ZNF804B: variants seen among roughly 807,000 people sequenced by gnomAD.
ZNF804B encodes zinc finger protein 804B, also known as zinc finger 804B.
Under a neutral mutation model 101.4 loss-of-function variants are expected in ZNF804B, and 80 were observed. The observed-to-expected ratio is 0.79, with a 90% CI of 0.66 to 0.95. The LOEUF (loss-of-function observed/expected upper bound fraction) is 0.95. ZNF804B is among the 40% of genes least tolerant of loss of function. The pLI, the probability that ZNF804B is intolerant of heterozygous loss-of-function variation, is 0.00. For missense variants in ZNF804B, 1,673 were observed against 1,561.9 expected, an observed-to-expected ratio of 1.07 and a Z score of -1.20; for synonymous variants, 622 against 558.8, an observed-to-expected ratio of 1.11 and a Z score of -1.59.
intron 2 of ZNF804B, among the ~76,000 whole-genome samples, chr7:89,296,614 G>A (rs551058498): frequency 3.3e-5 from 5 of 152,036 alleles, no homozygotes; most frequent in Non-Finnish European, 7.4e-5. Context: ...GGAGATCTCA[G>A]CGTCCTAAAC....
intron 1 of ZNF804B, among the ~76,000 whole-genome samples, chr7:89,055,449 G>A (rs13238650): frequency 0.77 from 117,565 of 151,944 alleles, 45,563 homozygotes; most frequent in African/African-American, 0.79. Flanking sequence ...AATGAGCACC[G>A]GGATTGGGGT....
intron 2 of ZNF804B, among the ~76,000 whole-genome samples, chr7:89,260,292 G>T (rs1789691658): frequency 6.6e-6 from 1 of 151,806 alleles, no homozygotes; most frequent in South Asian, 2.1e-4. Context: ...ATCCCTTCTT[G>T]TCTTAAATAC....
At chr7:89,104,465 T>G (rs1405768368) in intron 1 of ZNF804B, among the ~76,000 whole-genome samples, 2 of 152,052 alleles carry the variant, frequency 1.3e-5, no homozygotes, top group African/African-American at 4.8e-5. Context: ...TGGTTCAATT[T>G]TGGGAGTTTG....
At chr7:89,323,448 T>C (rs1467807944) in intron 2 of ZNF804B, among the ~76,000 whole-genome samples, 3 of 152,186 alleles carry the variant, frequency 2.0e-5, no homozygotes, top group African/African-American at 7.2e-5. Context: ...ATTTATCCTA[T>C]GAATGTGAAG....
chr7:88,893,500 C>T (rs1792242815), intron 1 of ZNF804B, among the ~76,000 whole-genome samples: 1 of 151,942 alleles, frequency 6.6e-6, no homozygotes. Flanking sequence ...TATATATAAA[C>T]TATAGCATTA....
At chr7:89,138,930 G>A (rs1242408572) in intron 1 of ZNF804B, among the ~76,000 whole-genome samples, 6 of 152,054 alleles carry the variant, frequency 3.9e-5, no homozygotes, top group African/African-American at 7.2e-5. Context: ...TCTTTCTCTT[G>A]TAAATTGCCC....
At chr7:89,330,140 G>T (rs1790956962) in intron 3 of ZNF804B, among the ~76,000 whole-genome samples, 1 of 151,618 alleles carries the variant, frequency 6.6e-6, no homozygotes, top group Admixed American at 6.6e-5. Flanking sequence ...AAGTTCCAAA[G>T]AAGTGAGGGA....
rs1562812631 is a variant in ZNF804B at position 88,854,427 on chromosome 7, CTTTCTTT to C, written c.108+94344_108+94350del. Among the ~76,000 whole-genome samples, 91 of 116,088 alleles carry C rather than the reference CTTTCTTT, an allele frequency of 7.8e-4. 3 individuals carry two copies. The highest frequency in any genetic ancestry group is 3.0e-3 in the African/African-American group (89 of 29,772). 76.2% of individuals were successfully genotyped at this position (116,088 alleles called of 152,430 possible). A position where few individuals can be genotyped will look rare whatever the true frequency, so the allele number is the denominator to read the frequency against. ...TCTTTCTTTCTTCCTTTCTTTCTTT[CTTTCTTT>C]CTTTCTTTCTTTCTTTCTTTCTTTC... On this transcript the variant is annotated intron_variant, in intron 1 of 3. Transcript: ENST00000333190.
chr7:89,270,265 C>T (rs914667458), intron 2 of ZNF804B, among the ~76,000 whole-genome samples: 8 of 152,036 alleles, frequency 5.3e-5, no homozygotes, highest in Non-Finnish European at 1.0e-4. Context: ...AAGGGATCCA[C>T]TTTCAGCTTC....
chr7:89,263,201 T>C (rs1789736603), intron 2 of ZNF804B, among the ~76,000 whole-genome samples: 1 of 152,186 alleles, frequency 6.6e-6, no homozygotes, highest in Non-Finnish European at 1.5e-5. Flanking sequence ...GACTTTTCCA[T>C]TGTTGTTTGC....
chr7:89,191,496 C>T (rs1415396236), intron 1 of ZNF804B, among the ~76,000 whole-genome samples: 3 of 151,974 alleles, frequency 2.0e-5, no homozygotes, highest in Admixed American at 2.0e-4. Flanking sequence ...AGAAATAGCC[C>T]ACAAATTATT....
At chr7:88,770,928 T>C (rs1371054259) in intron 1 of ZNF804B, among the ~76,000 whole-genome samples, 3 of 152,218 alleles carry the variant, frequency 2.0e-5, no homozygotes, top group Non-Finnish European at 4.4e-5. Flanking sequence ...TAAGTTGAAA[T>C]TTATGCAATT....
intron 1 of ZNF804B, among the ~76,000 whole-genome samples, chr7:89,155,513 G>A (rs1790945197): frequency 1.3e-5 from 2 of 152,040 alleles, no homozygotes; most frequent in Admixed American, 6.6e-5. Context: ...GATCTGTCCT[G>A]TACTCTGCTG....
Position 89,180,965 on chromosome 7 carries a change from T to C in ZNF804B, c.109-37190T>C, listed in dbSNP as rs1005504538. Among the ~76,000 whole-genome samples the C allele has an allele frequency of 3.3e-5, 5 of 150,996 alleles. No homozygotes were observed. In the Admixed American group the frequency reaches 3.3e-4, roughly 10 times the overall value. On this transcript the variant is annotated intron_variant, in intron 1 of 3. Transcript: ENST00000333190. ...AGATGGGGAGTCACCCTCTGGCTAG[T>C]GCTGGCCTGAATGCTCCCTCTGTGG... is the stretch of plus-strand genomic sequence containing the variant.
intron 1 of ZNF804B, among the ~76,000 whole-genome samples, chr7:88,810,501 A>G (rs536963585): frequency 2.1e-3 from 326 of 151,848 alleles, no homozygotes; most frequent in Non-Finnish European, 3.1e-3. Context: ...AAAGTCCAAA[A>G]AAAAAAAAAA....
rs369625195 is a variant in ZNF804B, at chr7:88,794,466, G to A, written c.108+34382G>A. 1.2e-4 allele frequency: 193 copies of A among 1,613,708 alleles called. 2 individuals carry two copies. Among genetic ancestry groups the A allele is most frequent in the Admixed American group, 7.2e-4 (43 of 59,964 alleles). The stretch of plus-strand genomic sequence containing the variant: ...TTAGGGACTGTGACTGTGTCACATC[G>A]TCGAGATACATAACTGGAACTTTTA... On this transcript the variant is annotated intron_variant, in intron 1 of 3. Transcript: ENST00000333190.
intron 1 of ZNF804B, among the ~76,000 whole-genome samples, chr7:89,209,754 A>T (rs2115674458): frequency 6.6e-6 from 1 of 152,252 alleles, no homozygotes. Context: ...CCTTTTTATT[A>T]TTATTATTAA....
chr7:89,295,062 G>C (rs910671417), intron 2 of ZNF804B, among the ~76,000 whole-genome samples: 1 of 151,922 alleles, frequency 6.6e-6, no homozygotes, highest in Non-Finnish European at 1.5e-5. Context: ...GAGAATTCCT[G>C]CTGCCTATTC....
At chr7:89,092,233 T>C (rs1049275862) in intron 1 of ZNF804B, among the ~76,000 whole-genome samples, 3 of 151,844 alleles carry the variant, frequency 2.0e-5, no homozygotes, top group Admixed American at 1.3e-4. Context: ...ATCCCATATG[T>C]GGGCTCTACC....
Sources: gnomAD v4.1 joint callset for allele counts (sites outside exome capture counted in the v4.1 genomes callset) on GRCh38, gnomAD v4.1.1 for gene constraint, MANE v1.5 for transcripts, NCBI Gene and HGNC (gene_info 2026-07-23, HGNC 2026-07-21) for gene names.